The following SAR1B variants were observed in gnomAD, a reference collection of about 807,000 sequenced individuals.
The protein encoded by SAR1B is small COPII coat GTPase SAR1B.
In SAR1B, 23 loss-of-function variants were observed where a neutral mutation model predicts 26.8. The observed-to-expected ratio is 0.86, with a 90% confidence interval of 0.62 to 1.22. The LOEUF (loss-of-function observed/expected upper bound fraction) is 1.22, where lower values mean the gene tolerates loss of function less well. Among genes scored for constraint, SAR1B ranks in the 50% most tolerant of loss-of-function variants. The pLI is 0.00. For synonymous variants in SAR1B, 65 were observed against 80.8 expected, an observed-to-expected ratio of 0.80 and a Z score of 1.05; for missense variants, 196 against 232.8, an observed-to-expected ratio of 0.84 and a Z score of 1.03.
intron 3 of SAR1B, among the ~76,000 whole-genome samples, chr5:134,617,691 GT>G (rs966548986): frequency 6.6e-6 from 1 of 151,854 alleles, no homozygotes. Context: ...TGTGTTTTTT[GT>G]TTTTTTCGAG....
intron 1 of SAR1B, among the ~76,000 whole-genome samples, chr5:134,628,651 A>T (rs1200352665): frequency 6.7e-6 from 1 of 149,334 alleles, no homozygotes; most frequent in Non-Finnish European, 1.5e-5. Context: ...TCCCATCTCT[A>T]AAAAAAAAAT....
At chr5:134,618,042 G>A (rs138743712) in intron 3 of SAR1B, 54 of 152,280 alleles carry the variant, frequency 3.5e-4, no homozygotes, top group Admixed American at 2.1e-3. Flanking sequence ...TGTTGGCCGG[G>A]CGCAGTGGCT....
In SAR1B at chr5:134,624,050, A is replaced by G. The variant is rs1362481311; in HGVS notation, c.-18-13T>C. On this transcript the variant is annotated splice_polypyrimidine_tract_variant and intron_variant, in intron 1 of 6. Coordinates refer to ENST00000402673, the MANE Select transcript of SAR1B (RefSeq NM_016103.4). ...AATCTGATAGGGTCTGAAAAAAAAG[A>G]GTTTGAATTTAGTAGTCAACATTAA... 3 of 1,512,474 alleles carry G rather than the reference A, an allele frequency of 2.0e-6. No individual in the cohort carries two copies. The highest frequency in any genetic ancestry group is 2.2e-5 in the South Asian group (2 of 89,020). 93.7% of individuals were successfully genotyped at this position (1,512,474 alleles called of 1,614,324 possible).
At chr5:134,628,083 G>T (rs1440524729) in intron 1 of SAR1B, among the ~76,000 whole-genome samples, 1 of 151,734 alleles carries the variant, frequency 6.6e-6, no homozygotes, top group Non-Finnish European at 1.5e-5. Flanking sequence ...AGGTTGCAGT[G>T]AGCCGAGATC....
Position 134,621,056 on chromosome 5 carries a change from C to A in SAR1B, c.59-4G>T, listed in dbSNP as rs763796886. ...TTACCAGTTTTCTTATATAATCCTG[C>A]AAAGCAAGAGCTATGATTGGTCAAA... On this transcript the variant is annotated splice_region_variant and splice_polypyrimidine_tract_variant and intron_variant, in intron 2 of 6. Transcript: ENST00000402673. 14 of 1,612,890 alleles carry A rather than the reference C, an allele frequency of 8.7e-6. No homozygotes were observed. The Admixed American group carries it at 1.8e-4, about 21-fold the overall frequency.
At chr5:134,608,890 A>G in intron 5 of SAR1B, 2 of 362,466 alleles carry the variant, frequency 5.5e-6, no homozygotes, top group South Asian at 4.2e-5. Flanking sequence ...TGAAATTGAG[A>G]ATTAAATCAA....
At chr5:134,617,975 A>G (rs1261790342) in intron 3 of SAR1B, among the ~76,000 whole-genome samples, 2 of 152,206 alleles carry the variant, frequency 1.3e-5, no homozygotes, top group Non-Finnish European at 1.5e-5. Context: ...AATTGTTCTT[A>G]TATCAGAATC....
rs1210070252 is a variant in SAR1B, at chr5:134,609,592, T to C, written c.327A>G (p.Leu109=). The change falls in exon 5 of 7, where the codon TTA becomes TTG. Residue 109 remains leucine, a synonymous_variant. Transcript: ENST00000402673. ...TTACATCAAGTTCTTCTTTTGACTC[T>C]AACAGCCTTTCGTGGTCTGCACAAT... is the stretch of plus-strand genomic sequence containing the variant. The part of the protein sequence containing the change: ...LVDCADHERL[L]ESKEELDSLM... The C allele has an allele frequency of 6.2e-7, 1 of 1,614,046 alleles. No homozygotes were observed.
chr5:134,612,680 A>AAAAAAAAAATT lies in SAR1B; in HGVS notation c.244+10_244+11insAATTTTTTTTT. 6 of 1,043,428 alleles carry AAAAAAAAAATT rather than the reference A, an allele frequency of 5.8e-6. No homozygotes were observed. The highest frequency in any genetic ancestry group is 7.9e-6 in the Non-Finnish European group (6 of 760,634). 64.6% of individuals were successfully genotyped at this position (1,043,428 alleles called of 1,614,324 possible). A position where few individuals can be genotyped will look rare whatever the true frequency, so the allele number is the denominator to read the frequency against. On this transcript the variant is annotated intron_variant, in intron 4 of 6. Transcript: ENST00000402673. ...AAAAAAAAAAAAAAAAAAAAAAAAA[A>AAAAAAAAAATT]AGAATCTTACCTTGAACATGTCCAC...
Position 134,605,584 on chromosome 5 carries a change from C to G in SAR1B, c.*1366G>C, listed in dbSNP as rs965721230. On this transcript the variant is annotated 3_prime_UTR_variant, in exon 7 of 7. Coordinates refer to ENST00000402673, the MANE Select transcript of SAR1B (RefSeq NM_016103.4). The stretch of plus-strand genomic sequence containing the variant: ...CTTTGGGAGGCCAAGGCGGGCAGAT[C>G]ACTTGAGGTCAGGAGTTTGAGACCA... 3 of 144,898 alleles carry G rather than the reference C, an allele frequency of 2.1e-5. No homozygotes were observed. Among genetic ancestry groups the G allele is most frequent in the African/African-American group, 7.7e-5 (3 of 39,124 alleles). 9.0% of individuals were successfully genotyped at this position (144,898 alleles called of 1,614,324 possible). A position where few individuals can be genotyped will look rare whatever the true frequency, so the allele number is the denominator to read the frequency against.
At chr5:134,614,307 A>C (rs1765272347) in intron 3 of SAR1B, 1 of 152,138 alleles carries the variant, frequency 6.6e-6, no homozygotes, top group Admixed American at 6.6e-5. Flanking sequence ...CTTATGTCTT[A>C]ATCTGCTAAT....
chr5:134,612,677 A>AAAT lies in SAR1B; in HGVS notation c.244+13_244+14insATT. ...AAAAAAAAAAAAAAAAAAAAAAAAA[A>AAAT]AAAAGAATCTTACCTTGAACATGTC... On this transcript the variant is annotated intron_variant, in intron 4 of 6. Coordinates refer to ENST00000402673, the MANE Select transcript of SAR1B (RefSeq NM_016103.4). 1.9e-6 allele frequency: 2 copies of AAAT among 1,055,538 alleles called. No homozygotes were observed. Among genetic ancestry groups the AAAT allele is most frequent in the Non-Finnish European group, 2.6e-6 (2 of 762,970 alleles). The allele number at this position is 1,055,538 out of a possible 1,614,324, so 65.4% of individuals were successfully genotyped here. A position where few individuals can be genotyped will look rare whatever the true frequency, so the allele number is the denominator to read the frequency against.
chr5:134,611,029 A>C (rs1765204681), intron 4 of SAR1B, among the ~76,000 whole-genome samples: 1 of 151,872 alleles, frequency 6.6e-6, no homozygotes, highest in Non-Finnish European at 1.5e-5. Context: ...ATGCCCCATT[A>C]ATTGTTAAAT....
chr5:134,612,506 G>A (rs1389549904), intron 4 of SAR1B, among the ~76,000 whole-genome samples, 185 bp downstream of exon 4: 5 of 151,548 alleles, frequency 3.3e-5, no homozygotes, highest in African/African-American at 4.8e-5. Flanking sequence ...TCAGCTGGGC[G>A]CGGTGGCACA....
chr5:134,609,238 G>C, intron 5 of SAR1B: 1 of 412,154 alleles, frequency 2.4e-6, no homozygotes, highest in Non-Finnish European at 4.6e-6. Flanking sequence ...TTAAGATATA[G>C]CATCTTAGCA....
At chr5:134,627,103 G>C (rs1765505650) in intron 1 of SAR1B, among the ~76,000 whole-genome samples, 1 of 151,824 alleles carries the variant, frequency 6.6e-6, no homozygotes, top group Non-Finnish European at 1.5e-5. Flanking sequence ...CCAGGATGGA[G>C]TGCACTGGCG....
chr5:134,629,530 C>G (rs1196388456), intron 1 of SAR1B, among the ~76,000 whole-genome samples: 1 of 152,024 alleles, frequency 6.6e-6, no homozygotes, highest in Non-Finnish European at 1.5e-5. Flanking sequence ...AACACCTTCT[C>G]TACTAAAAAT....
At chr5:134,607,434 A>G (rs1765145708) in intron 6 of SAR1B, among the ~76,000 whole-genome samples, 1 of 152,226 alleles carries the variant, frequency 6.6e-6, no homozygotes, top group Non-Finnish European at 1.5e-5. Flanking sequence ...TAATTTATAA[A>G]AAAGAAGACA....
In SAR1B at chr5:134,611,072, AGGC is replaced by A. The variant is rs533321981; in HGVS notation, c.245-1401_245-1399del. On this transcript the variant is annotated intron_variant, in intron 4 of 6. Coordinates refer to ENST00000402673, the MANE Select transcript of SAR1B (RefSeq NM_016103.4). ...AGAGACAGGGTCTTGCTATGTTGCA[AGGC>A]TGGTCTTGAACTCCTGGCTTCAAGT... Among the ~76,000 whole-genome samples the A allele has an allele frequency of 3.0e-3, 458 of 152,128 alleles. 1 individual carries two copies. Among genetic ancestry groups the A allele is most frequent in the African/African-American group, 0.011 (438 of 41,510 alleles).
Sources: gnomAD v4.1 joint callset for allele counts (sites outside exome capture counted in the v4.1 genomes callset) on GRCh38, gnomAD v4.1.1 for gene constraint, MANE v1.5 for transcripts, NCBI Gene and HGNC (gene_info 2026-07-23, HGNC 2026-07-21) for gene names.